HCN1: variants seen among roughly 807,000 people sequenced by gnomAD.
HCN1 encodes the protein hyperpolarization activated cyclic nucleotide gated potassium channel 1, also known as potassium/sodium hyperpolarization-activated cyclic nucleotide-gated channel 1.
HCN1 carries 13 observed loss-of-function variants against 78.9 expected under a neutral mutation model. That is an observed-to-expected ratio of 0.16 (90% CI 0.11 to 0.26). The LOEUF (loss-of-function observed/expected upper bound fraction) is 0.26. HCN1 is among the 10% of genes least tolerant of loss of function. The probability of loss-of-function intolerance (pLI) is 1.00; values close to 1 mark genes in which losing one functional copy is unlikely to be tolerated. For missense variants in HCN1, 810 were observed against 1,154.3 expected, an observed-to-expected ratio of 0.70 and a Z score of 4.32; for synonymous variants, 552 against 455.5, an observed-to-expected ratio of 1.21 and a Z score of -2.70.
intron 7 of HCN1, among the ~76,000 whole-genome samples, chr5:45,265,058 T>G (rs2111843578): frequency 6.6e-6 from 1 of 152,074 alleles, no homozygotes; most frequent in South Asian, 2.1e-4. Context: ...GGCGTGGCAG[T>G]GCACACCTGC....
At chr5:45,438,562 C>G (rs1442958006) in intron 3 of HCN1, among the ~76,000 whole-genome samples, 2 of 151,170 alleles carry the variant, frequency 1.3e-5, no homozygotes, top group African/African-American at 4.9e-5. Flanking sequence ...TGCACTCCAG[C>G]CTGGGCCACA....
intron 2 of HCN1, among the ~76,000 whole-genome samples, chr5:45,619,416 G>A (rs774505183): frequency 5.9e-5 from 9 of 152,062 alleles, no homozygotes; most frequent in Non-Finnish European, 1.3e-4. Context: ...AGAAAATAAG[G>A]AAGTGCTAAA....
At chr5:45,334,998 C>T (rs994489565) in intron 5 of HCN1, among the ~76,000 whole-genome samples, 2 of 151,964 alleles carry the variant, frequency 1.3e-5, no homozygotes, top group African/African-American at 4.8e-5. Context: ...ATCTATTCGA[C>T]AAATTAAAGG....
At chr5:45,459,398 A>G (rs1372422702) in intron 3 of HCN1, among the ~76,000 whole-genome samples, 1 of 143,250 alleles carries the variant, frequency 7.0e-6, no homozygotes, top group Non-Finnish European at 1.5e-5. Flanking sequence ...GTAAATCTGC[A>G]GCCAAAAAAA....
chr5:45,458,931 A>G (rs985970612), intron 3 of HCN1, among the ~76,000 whole-genome samples: 21 of 152,124 alleles, frequency 1.4e-4, no homozygotes, highest in Non-Finnish European at 2.9e-5. Context: ...CTTCTCCATT[A>G]TAACTCCTTG....
chr5:45,289,984 C>A (rs1745338785), intron 6 of HCN1, among the ~76,000 whole-genome samples: 1 of 151,964 alleles, frequency 6.6e-6, no homozygotes, highest in Non-Finnish European at 1.5e-5. Flanking sequence ...CCACCCAAAT[C>A]TCATCTTGAA....
intron 2 of HCN1, among the ~76,000 whole-genome samples, chr5:45,539,975 G>T (rs1363603232): frequency 7.1e-6 from 1 of 141,778 alleles, no homozygotes; most frequent in South Asian, 2.2e-4. Flanking sequence ...GTTTATCATT[G>T]TCAGGATAGG....
intron 3 of HCN1, among the ~76,000 whole-genome samples, chr5:45,454,504 A>G (rs1454460576): frequency 6.6e-6 from 1 of 151,870 alleles, no homozygotes; most frequent in Non-Finnish European, 1.5e-5. Flanking sequence ...AAAAAATAAA[A>G]AAAAATAAAA....
At chr5:45,668,445 A>G (rs918981627) in intron 1 of HCN1, among the ~76,000 whole-genome samples, 2 of 151,836 alleles carry the variant, frequency 1.3e-5, no homozygotes, top group African/African-American at 4.8e-5. Flanking sequence ...ACCTTCCGCC[A>G]TGATTGTAAG....
chr5:45,538,942 G>T (rs1192440361), intron 2 of HCN1, among the ~76,000 whole-genome samples: 3 of 152,114 alleles, frequency 2.0e-5, no homozygotes, highest in African/African-American at 7.2e-5. Context: ...TGTTAATTTT[G>T]TACCAGTGGG....
chr5:45,579,293 A>G (rs1744010081), intron 2 of HCN1, among the ~76,000 whole-genome samples: 1 of 152,050 alleles, frequency 6.6e-6, no homozygotes, highest in Non-Finnish European at 1.5e-5. Context: ...TGTTTCCTTT[A>G]TACCAAGCTG....
intron 3 of HCN1, among the ~76,000 whole-genome samples, chr5:45,425,717 G>T (rs2112071833): frequency 6.6e-6 from 1 of 152,270 alleles, no homozygotes; most frequent in African/African-American, 2.4e-5. Context: ...TAGAGATTTA[G>T]AAAAGAATCA....
chr5:45,309,307 C>T (rs1053508707), intron 5 of HCN1, among the ~76,000 whole-genome samples: 6 of 152,028 alleles, frequency 3.9e-5, no homozygotes, highest in Admixed American at 1.3e-4. Context: ...TCCTGTCATT[C>T]GCAAACAGGG....
At chr5:45,340,491 C>T (rs1403013609) in intron 5 of HCN1, among the ~76,000 whole-genome samples, 1 of 152,082 alleles carries the variant, frequency 6.6e-6, no homozygotes, top group Non-Finnish European at 1.5e-5. Flanking sequence ...ATTCCTGATA[C>T]TGTCTGTTGG....
intron 2 of HCN1, among the ~76,000 whole-genome samples, chr5:45,607,579 T>TTTTATA (rs536238796): frequency 7.8e-6 from 1 of 127,888 alleles, no homozygotes; most frequent in East Asian, 2.0e-4. Flanking sequence ...CACAATATCA[T>TTTTATA]TATATATATA....
At chr5:45,582,999 G>A (rs1485974822) in intron 2 of HCN1, among the ~76,000 whole-genome samples, 1 of 149,316 alleles carries the variant, frequency 6.7e-6, no homozygotes, top group Admixed American at 6.7e-5. Context: ...TTTTTGTTGT[G>A]TCTCTGCCAG....
intron 5 of HCN1, among the ~76,000 whole-genome samples, chr5:45,335,202 C>T (rs1027451845): frequency 4.6e-5 from 7 of 151,966 alleles, no homozygotes; most frequent in African/African-American, 7.2e-5. Flanking sequence ...TCTTTCTTGA[C>T]AGTTAAGTTT....
chr5:45,473,991 G>T (rs759624306), intron 2 of HCN1, among the ~76,000 whole-genome samples: 55 of 151,744 alleles, frequency 3.6e-4, no homozygotes, highest in Non-Finnish European at 7.8e-4. Context: ...TTTCTGAAAT[G>T]CAAGTTTCTT....
intron 2 of HCN1, among the ~76,000 whole-genome samples, chr5:45,639,075 TAGTTAG>T (rs1476321227): frequency 6.6e-6 from 1 of 152,194 alleles, no homozygotes; most frequent in African/African-American, 2.4e-5. Flanking sequence ...GAAGAAAGTA[TAGTTAG>T]AAATCATTTT....
Sources: gnomAD v4.1 joint callset for allele counts (sites outside exome capture counted in the v4.1 genomes callset) on GRCh38, gnomAD v4.1.1 for gene constraint, MANE v1.5 for transcripts, NCBI Gene and HGNC (gene_info 2026-07-23, HGNC 2026-07-21) for gene names.